The following PDE4C variants were observed in gnomAD, a reference collection of about 807,000 sequenced individuals.
PDE4C encodes phosphodiesterase 4C.
A neutral mutation model predicts 63.9 loss-of-function variants in PDE4C; 50 were observed. That is an observed-to-expected ratio of 0.78 (90% confidence interval 0.62 to 0.99). The LOEUF (loss-of-function observed/expected upper bound fraction) is 0.99, where lower values mean the gene tolerates loss of function less well. Among genes scored for constraint, PDE4C ranks in the 50% least tolerant of loss-of-function variants. The pLI is 0.00. For missense variants in PDE4C, 777 were observed against 899.1 expected, an observed-to-expected ratio of 0.86 and a Z score of 1.74; for synonymous variants, 377 against 385.1, an observed-to-expected ratio of 0.98 and a Z score of 0.25.
chr19:18,216,424 A>G (rs1479400875), intron 12 of PDE4C, among the ~76,000 whole-genome samples: 1 of 151,588 alleles, frequency 6.6e-6, no homozygotes, highest in African/African-American at 2.4e-5. Flanking sequence ...ACAGGTGCAC[A>G]CCACCACACC....
chr19:18,246,362 T>TA (rs5827403), intron 1 of PDE4C, among the ~76,000 whole-genome samples: 38,354 of 147,358 alleles, frequency 0.26, 5,140 homozygotes, highest in Middle Eastern at 0.3. Flanking sequence ...TTTTTTTTTT[T>TA]AATAGAGATA....
In PDE4C at chr19:18,226,253, C is replaced by T. The variant is rs1968714809; in HGVS notation, c.146+17G>A. The T allele has an allele frequency of 6.5e-7, 1 of 1,549,982 alleles. No homozygotes were observed. Among genetic ancestry groups the T allele is most frequent in the Middle Eastern group, 2.2e-4 (1 of 4,612 alleles). Reference sequence around the variant, plus strand: ...GGGCGTCCCGGTGACCCCGCCAGGCCCTCTGTCCAGCCTCACCACAGCGGA... The same window carrying T: ...GGGCGTCCCGGTGACCCCGCCAGGCTCTCTGTCCAGCCTCACCACAGCGGA... On this transcript the variant is annotated intron_variant, in intron 1 of 14. Transcript: ENST00000262805.
chr19:18,215,105 G>A (rs1335823195), intron 12 of PDE4C, among the ~76,000 whole-genome samples: 1 of 151,992 alleles, frequency 6.6e-6, no homozygotes, highest in African/African-American at 2.4e-5. Context: ...TCCCCACCCT[G>A]TGGGTACCCA....
Position 18,221,291 on chromosome 19 carries a change from TC to T in PDE4C, c.344del (p.Gly115GlufsTer4), listed in dbSNP as rs1266083358. 1.3e-6 allele frequency: 2 copies of T among 1,544,438 alleles called. No individual in the cohort carries two copies. Among genetic ancestry groups the T allele is most frequent in the African/African-American group, 2.7e-5 (2 of 72,986 alleles). On this transcript the variant is annotated frameshift_variant, in exon 3 of 15. Coordinates refer to ENST00000262805, the Ensembl canonical transcript of PDE4C. LOFTEE classifies it high-confidence loss of function. The stretch of plus-strand genomic sequence containing the variant: ...CAAAGGGCGTCACAATCATGTCCTC[TC>T]CATGTCTGCGAGGAGACGGGCCATC...
chr19:18,228,969 C>T (rs1054005481), upstream of PDE4C, among the ~76,000 whole-genome samples: 1 of 151,976 alleles, frequency 6.6e-6, no homozygotes. Context: ...GAGTTTTGCT[C>T]CTGTTGCCCA....
chr19:18,216,006 T>C (rs1352192377), intron 12 of PDE4C, among the ~76,000 whole-genome samples: 1 of 151,514 alleles, frequency 6.6e-6, no homozygotes, highest in Admixed American at 6.6e-5. Flanking sequence ...ATTTTTGTAT[T>C]TTTAGTAAAA....
chr19:18,252,466 C>T (rs574759766), upstream of PDE4C: 1 of 393,416 alleles, frequency 2.5e-6, no homozygotes, highest in Middle Eastern at 6.3e-4. Context: ...TCTGAGGTCA[C>T]AATATCTGGA....
At chr19:18,225,125 G>A (rs1425828438) in intron 1 of PDE4C, among the ~76,000 whole-genome samples, 1 of 152,212 alleles carries the variant, frequency 6.6e-6, no homozygotes, top group Non-Finnish European at 1.5e-5. Context: ...GGGAGCGGCG[G>A]GGTCAGGCTG....
At chr19:18,230,419 G>A (rs142699512), upstream of PDE4C, among the ~76,000 whole-genome samples, 55 of 152,280 alleles carry the variant, frequency 3.6e-4, no homozygotes, top group East Asian at 0.01. Flanking sequence ...TAGGGGAATC[G>A]CTTGAACCCA....
At chr19:18,248,417 G>A (rs1444896235), upstream of PDE4C, among the ~76,000 whole-genome samples, 2 of 150,856 alleles carry the variant, frequency 1.3e-5, no homozygotes, top group Non-Finnish European at 3.0e-5. Context: ...GAGGGTGGCC[G>A]GGCATGGAGG....
At chr19:18,217,060 T>A in intron 11 of PDE4C, 165 bp from the exon 12 acceptor site, 1 of 699,248 alleles carries the variant, frequency 1.4e-6, no homozygotes, top group Non-Finnish European at 2.3e-6. Flanking sequence ...CTTCCCTGAC[T>A]GCAGGGCTAG....
At position 18,219,524 on chromosome 19, in the gene PDE4C, C is replaced by T. The variant is rs979063447; in HGVS notation, c.707-127G>A. ...CTTTCTACAGGAACCAAAGTAAGTTCGGAGTAAAGACCCTGTCGGCCGGAC... is the reference window on the plus strand; with the variant it reads ...CTTTCTACAGGAACCAAAGTAAGTTTGGAGTAAAGACCCTGTCGGCCGGAC... On this transcript the variant is annotated intron_variant, in intron 7 of 14. Coordinates refer to ENST00000262805, the Ensembl canonical transcript of PDE4C. The T allele has an allele frequency of 1.1e-5, 12 of 1,105,346 alleles. No individual in the cohort carries two copies. In the South Asian group the frequency reaches 1.5e-4, roughly 14 times the overall value. The allele number at this position is 1,105,346 out of a possible 1,614,324, so 68.5% of individuals were successfully genotyped here.
exon 1 of PDE4C, chr19:18,232,950 C>A (rs1455946655): frequency 1.4e-6 from 2 of 1,450,090 alleles, no homozygotes; most frequent in Non-Finnish European, 1.8e-6. Flanking sequence ...GGCCACCTAC[C>A]GCCTGCAGGA....
chr19:18,253,577 A>AG, the PDE4C span, among the ~76,000 whole-genome samples: 2 of 141,898 alleles, frequency 1.4e-5, no homozygotes, highest in Admixed American at 1.4e-4. Flanking sequence ...CACACACACA[A>AG]TAGAATAGAA....
upstream of PDE4C, chr19:18,233,691 G>A (rs544122428): frequency 1.4e-5 from 5 of 357,022 alleles, no homozygotes; most frequent in East Asian, 3.9e-4. Context: ...GGGTGGATGA[G>A]ACAGCGAAGA....
chr19:18,214,066 G>T (rs547899442), intron 12 of PDE4C, among the ~76,000 whole-genome samples: 3 of 152,050 alleles, frequency 2.0e-5, no homozygotes, highest in Non-Finnish European at 4.4e-5. Context: ...AGACCATCCT[G>T]GCTAACATGG....
intron 1 of PDE4C, among the ~76,000 whole-genome samples, chr19:18,225,166 GA>G (rs1331994663): frequency 1.3e-5 from 2 of 152,170 alleles, no homozygotes; most frequent in Non-Finnish European, 2.9e-5. Context: ...TGCGGGGGTA[GA>G]GCCCCCCGGC....
Position 18,211,906 on chromosome 19 carries a change from G to A in PDE4C, c.1548C>T (p.Ser516=), listed in dbSNP as rs761978981. The A allele has an allele frequency of 2.5e-6, 4 of 1,614,222 alleles. No homozygotes were observed. In the African/African-American group the frequency reaches 5.3e-5, roughly 22 times the overall value. ...ACAGGGGCAGCGGCTTGGTGGGGTT[G>A]CTCAGATCAGCACAGTGCACCAGGT... The change falls in exon 14 of 15, where the codon AGC becomes AGT. Residue 516 remains serine, a synonymous_variant. Coordinates refer to ENST00000262805, the Ensembl canonical transcript of PDE4C.
upstream of PDE4C, among the ~76,000 whole-genome samples, chr19:18,234,604 G>GA (rs1968919366): frequency 6.6e-6 from 1 of 152,078 alleles, no homozygotes; most frequent in East Asian, 1.9e-4. Context: ...GCCTCCTGTG[G>GA]GCTCTGGGCT....
Sources: allele counts gnomAD v4.1 joint callset (sites outside exome capture counted in the v4.1 genomes callset), GRCh38; gene constraint gnomAD v4.1.1; transcripts MANE v1.5; gene names NCBI Gene and HGNC (gene_info 2026-07-23, HGNC 2026-07-21).